TDRD5: variants seen among roughly 807,000 people sequenced by gnomAD.
TDRD5 encodes tudor domain-containing protein 5.
Under a neutral mutation model 120.6 loss-of-function variants are expected in TDRD5, and 41 were observed. The observed-to-expected ratio is 0.34, with a 90% CI of 0.26 to 0.44. TDRD5 has a LOEUF of 0.44. Ranked by LOEUF, TDRD5 falls within the 20% of genes least tolerant of loss-of-function variation. The pLI is 1.00. For synonymous variants in TDRD5, 430 were observed against 433.7 expected (o/e 0.99, Z 0.11); for missense variants, 1,006 against 1,221.2 (o/e 0.82, Z 2.63).
intron 17 of TDRD5, among the ~76,000 whole-genome samples, chr1:179,670,980 A>C (rs1413626458): frequency 6.6e-6 from 1 of 152,144 alleles, no homozygotes; most frequent in Admixed American, 6.5e-5. Context: ...TTCTTATAAA[A>C]TTTTTGTAGT....
intron 11 of TDRD5, among the ~76,000 whole-genome samples, chr1:179,645,996 T>C (rs1678343822): frequency 6.6e-6 from 1 of 152,198 alleles, no homozygotes; most frequent in African/African-American, 2.4e-5. Context: ...ATAGTTGTAT[T>C]TTTTTAATCC....
intron 4 of TDRD5, among the ~76,000 whole-genome samples, chr1:179,608,264 C>CT (rs1194764528): frequency 7.3e-6 from 1 of 136,126 alleles, no homozygotes; most frequent in Admixed American, 7.0e-5. Context: ...TTGTACTTTT[C>CT]TTTATTTTTT....
chr1:179,684,739 T>C (rs1277279291), intron 17 of TDRD5, among the ~76,000 whole-genome samples: 2 of 152,228 alleles, frequency 1.3e-5, no homozygotes, highest in African/African-American at 4.8e-5. Flanking sequence ...TGATCGCCAT[T>C]CTAACTGGTA....
At chr1:179,645,573 G>T (rs1678312943) in intron 11 of TDRD5, among the ~76,000 whole-genome samples, 1 of 152,080 alleles carries the variant, frequency 6.6e-6, no homozygotes, top group Non-Finnish European at 1.5e-5. Context: ...CAGTTCTTGT[G>T]TGTAATATTT....
Position 179,662,155 on chromosome 1 carries a change from G to A in TDRD5, c.2374G>A (p.Asp792Asn), listed in dbSNP as rs1262356071. The A allele has an allele frequency of 6.2e-7, 1 of 1,609,406 alleles. No homozygotes were observed. The highest frequency in any genetic ancestry group is 2.2e-5 in the East Asian group (1 of 44,584). The stretch of plus-strand genomic sequence containing the variant: ...CCTGGAGTCAGTGACCATAGGTGAT[G>A]ATATTTGGGATGAGAACTGGTTACC... ...PCLESVTIGD[D>N]IWDENWLPLQ... The change falls in exon 15 of 18, where the codon GAT (aspartate) becomes AAT (asparagine). Residue 792 changes from aspartate to asparagine, a missense_variant. Around this residue, in one of 3 missense-constraint regions of TDRD5, gnomAD observed 403 missense variants for 448.1 expected, o/e 0.90. Transcript: ENST00000444136.
intron 4 of TDRD5, among the ~76,000 whole-genome samples, chr1:179,615,744 C>G (rs1471340489): frequency 2.0e-5 from 3 of 151,580 alleles, no homozygotes; most frequent in South Asian, 2.1e-4. Flanking sequence ...AGTTTAAAGT[C>G]ACCTTAATTT....
intron 9 of TDRD5, 119 bp downstream of exon 9, chr1:179,636,006 AT>A: frequency 1.4e-6 from 1 of 690,596 alleles, no homozygotes. Context: ...TTTTATCAGT[AT>A]TTATTGTATA....
Position 179,663,454 on chromosome 1 carries a change from C to T in TDRD5, c.2612C>T (p.Ala871Val). ...GTTCATAAGCCAGAAGTACTGGGTG[C>T]TCAGGAAAAAAATACTGGCACAAAC... ...VEVHKPEVLG[A>V]QEKNTGTNRT... Residue 871 changes from alanine to valine, a missense_variant, in exon 16 of 18, where the codon GCT becomes GTT. Around this residue, in one of 3 missense-constraint regions of TDRD5, gnomAD observed 403 missense variants for 448.1 expected, o/e 0.90. Transcript: ENST00000444136. 5.6e-6 allele frequency: 9 copies of T among 1,612,700 alleles called. No homozygotes were observed. Among genetic ancestry groups the T allele is most frequent in the Non-Finnish European group, 7.6e-6 (9 of 1,179,616 alleles).
intron 4 of TDRD5, among the ~76,000 whole-genome samples, chr1:179,602,394 G>A (rs1675762662): frequency 6.6e-6 from 1 of 151,996 alleles, no homozygotes; most frequent in Non-Finnish European, 1.5e-5. Flanking sequence ...CCCACTTCTT[G>A]ATGGGATTGC....
At position 179,635,747 on chromosome 1, in the gene TDRD5, A is replaced by G; in HGVS notation, c.1380A>G (p.Lys460=). The change falls in exon 9 of 18, where the codon AAA becomes AAG. Residue 460 remains lysine (K), a synonymous_variant. Transcript: ENST00000444136. ...CGCCAGACGCTGTGCCGAACAAGAA[A>G]TTATGCAGACTCCCACCATTAGACA... is the stretch of plus-strand genomic sequence containing the variant. ...DIPPDAVPNK[K]LCRLPPLDTS... The G allele has an allele frequency of 6.2e-7, 1 of 1,614,086 alleles. No individual in the cohort carries two copies. The highest frequency in any genetic ancestry group is 2.2e-5 in the East Asian group (1 of 44,878).
At chr1:179,683,392 A>C (rs1680532900) in intron 17 of TDRD5, among the ~76,000 whole-genome samples, 1 of 152,200 alleles carries the variant, frequency 6.6e-6, no homozygotes, top group Admixed American at 6.5e-5. Context: ...CCTGCTTTTC[A>C]TACCTTTTGA....
At chr1:179,639,805 C>T in intron 9 of TDRD5, 34 bp from the exon 10 acceptor site, 2 of 1,594,634 alleles carry the variant, frequency 1.3e-6, no homozygotes, top group South Asian at 1.1e-5. Context: ...TTTTTCTTCC[C>T]CTATGGATTT....
rs1675176029 is a variant in TDRD5 at position 179,592,630 on chromosome 1, G to A, written c.15G>A (p.Glu5=). 1.9e-6 allele frequency: 3 copies of A among 1,613,864 alleles called. No individual in the cohort carries two copies. Among genetic ancestry groups the A allele is most frequent in the Non-Finnish European group, 2.5e-6 (3 of 1,180,002 alleles). The change falls in exon 2 of 18, where the codon GAG becomes GAA. Residue 5 remains glutamate, a synonymous_variant. Transcript: ENST00000444136. MSEQ[E]RIQECLRKEI... is the part of the protein sequence containing the mutation. ...TGTAGGGCACAATGTCTGAACAAGA[G>A]CGTATACAGGAATGTCTGCGGAAGG...
At chr1:179,669,699 T>A (rs1404554285) in intron 17 of TDRD5, among the ~76,000 whole-genome samples, 1 of 152,174 alleles carries the variant, frequency 6.6e-6, no homozygotes, top group South Asian at 2.1e-4. Flanking sequence ...AAATTGATAG[T>A]CTCGTCATCA....
intron 15 of TDRD5, among the ~76,000 whole-genome samples, chr1:179,663,000 A>G (rs992687732): frequency 6.6e-6 from 1 of 152,032 alleles, no homozygotes. Flanking sequence ...TTTGAAATTT[A>G]TTTTCCACTG....
At chr1:179,609,751 T>C (rs1440217946) in intron 4 of TDRD5, among the ~76,000 whole-genome samples, 2 of 152,152 alleles carry the variant, frequency 1.3e-5, no homozygotes, top group African/African-American at 2.4e-5. Context: ...CTGTGTGAGT[T>C]TGGAGTATTG....
chr1:179,632,792 T>C (rs1677533805), intron 7 of TDRD5, among the ~76,000 whole-genome samples: 1 of 152,208 alleles, frequency 6.6e-6, no homozygotes, highest in African/African-American at 2.4e-5. Flanking sequence ...CCTCAACTTA[T>C]GATGGGGTTC....
intron 17 of TDRD5, among the ~76,000 whole-genome samples, chr1:179,678,928 C>A (rs1160473581): frequency 6.6e-6 from 1 of 152,034 alleles, no homozygotes; most frequent in Non-Finnish European, 1.5e-5. Context: ...AGAGTGACAT[C>A]CTTGCATTGT....
At chr1:179,644,817 AT>A (rs944454397) in intron 11 of TDRD5, among the ~76,000 whole-genome samples, 1 of 151,302 alleles carries the variant, frequency 6.6e-6, no homozygotes, top group Non-Finnish European at 1.5e-5. Context: ...TATTATAAAC[AT>A]TTTTTTTCTA....
Sources: gnomAD v4.1 joint callset for allele counts (sites outside exome capture counted in the v4.1 genomes callset) on GRCh38, gnomAD v4.1.1 for gene constraint, gnomAD v4.1.1 regional missense constraint, MANE v1.5 for transcripts, NCBI Gene and HGNC (gene_info 2026-07-23, HGNC 2026-07-21) for gene names.